Variants in ICA1L observed in about 807,000 individuals in gnomAD.
ICA1L encodes the protein islet cell autoantigen 1 like, also known as islet cell autoantigen 1-like protein.
In ICA1L, 50 loss-of-function variants were observed where a neutral mutation model predicts 61.3. The ratio of observed to expected loss-of-function variants is 0.82; its 90% confidence interval spans 0.65 to 1.03. ICA1L has a LOEUF of 1.03. Ranked by LOEUF, ICA1L falls within the 50% of genes least tolerant of loss-of-function variation. ICA1L has a pLI of 0.00. For synonymous variants in ICA1L, 161 were observed against 191.3 expected (o/e 0.84, Z 1.31); for missense variants, 508 against 556.7 (o/e 0.91, Z 0.88).
intron 1 of ICA1L, among the ~76,000 whole-genome samples, chr2:202,838,266 C>T (rs183838019): frequency 1.5e-4 from 23 of 152,206 alleles, no homozygotes; most frequent in East Asian, 1.2e-3. Flanking sequence ...CTTATTATTT[C>T]GAGTTTCATA....
chr2:202,785,410 C>T (rs1692549724), intron 12 of ICA1L, among the ~76,000 whole-genome samples: 1 of 151,950 alleles, frequency 6.6e-6, no homozygotes, highest in African/African-American at 2.4e-5. Flanking sequence ...CTTTGTCAAG[C>T]TCACAGTTTC....
At chr2:202,812,871 AG>A (rs756680005) in intron 8 of ICA1L, among the ~76,000 whole-genome samples, 3 of 152,242 alleles carry the variant, frequency 2.0e-5, no homozygotes, top group Non-Finnish European at 4.4e-5. Flanking sequence ...ATAATGCTAA[AG>A]ATACATGAGA....
At chr2:202,796,286 G>A (rs1243138428) in intron 10 of ICA1L, among the ~76,000 whole-genome samples, 1 of 152,112 alleles carries the variant, frequency 6.6e-6, no homozygotes, top group African/African-American at 2.4e-5. Flanking sequence ...CAATTGGACT[G>A]TATTTAAAAG....
At position 202,775,025 on chromosome 2, in the gene ICA1L, G is replaced by GTCTAC. The variant is rs1367937816; in HGVS notation, c.*4507_*4508insGTAGA. The GTCTAC allele has an allele frequency of 2.6e-5, 4 of 152,274 alleles. No homozygotes were observed. In the East Asian group the frequency reaches 7.7e-4, roughly 29 times the overall value. 9.4% of individuals were successfully genotyped at this position (152,274 alleles called of 1,614,324 possible). A position where few individuals can be genotyped will look rare whatever the true frequency, so the allele number is the denominator to read the frequency against. On this transcript the variant is annotated 3_prime_UTR_variant, in exon 13 of 13. Transcript: ENST00000358299. ...AGGACAGTTTGTTTTGAACTCTTTA[G>GTCTAC]TAGTCTTTTAAATGGTACAGAAAAA...
At chr2:202,792,156 A>G (rs1292022319) in intron 10 of ICA1L, among the ~76,000 whole-genome samples, 2 of 152,222 alleles carry the variant, frequency 1.3e-5, no homozygotes, top group Non-Finnish European at 2.9e-5. Context: ...TGACAGAGCG[A>G]GACTCCATCT....
At chr2:202,848,113 C>T (rs1396917030) in intron 1 of ICA1L, among the ~76,000 whole-genome samples, 1 of 152,084 alleles carries the variant, frequency 6.6e-6, no homozygotes, top group Non-Finnish European at 1.5e-5. Context: ...TTGAGATTAG[C>T]CACCATGCCC....
chr2:202,850,033 T>C, intron 1 of ICA1L, among the ~76,000 whole-genome samples: 1 of 152,110 alleles, frequency 6.6e-6, no homozygotes, highest in East Asian at 1.9e-4. Context: ...TCCAGCAAAC[T>C]GTAGCAGACC....
intron 9 of ICA1L, 115 bp from the exon 10 acceptor site, chr2:202,797,079 CAT>C (rs1692950210): frequency 1.8e-6 from 1 of 569,710 alleles, no homozygotes; most frequent in Non-Finnish European, 3.0e-6. Context: ...GAATCGAAAA[CAT>C]ACAAAAGGGA....
At chr2:202,820,374 CAAA>C (rs372412225) in intron 4 of ICA1L, among the ~76,000 whole-genome samples, 9 of 108,460 alleles carry the variant, frequency 8.3e-5, no homozygotes, top group African/African-American at 1.1e-4. Context: ...AACTCCATCT[CAAA>C]AAAAAAAAAA....
intron 1 of ICA1L, among the ~76,000 whole-genome samples, chr2:202,860,626 C>T (rs973214607): frequency 5.9e-5 from 9 of 151,928 alleles, no homozygotes; most frequent in Non-Finnish European, 1.2e-4. Context: ...GTGACTCATG[C>T]CTGTAATTCC....
At chr2:202,780,035 TGA>T (rs1692352164) in intron 12 of ICA1L, among the ~76,000 whole-genome samples, 1 of 152,142 alleles carries the variant, frequency 6.6e-6, no homozygotes, top group African/African-American at 2.4e-5. Context: ...AGAAAGGAAT[TGA>T]GTTAAAAGTG....
At chr2:202,867,995 C>A (rs1456836046) in intron 1 of ICA1L, among the ~76,000 whole-genome samples, 1 of 152,108 alleles carries the variant, frequency 6.6e-6, no homozygotes, top group Non-Finnish European at 1.5e-5. Context: ...TGGAATACCA[C>A]TCAGCAACAG....
At chr2:202,817,630 TAATA>T (rs1427793485) in intron 5 of ICA1L, 87 bp from the exon 6 acceptor site, 24 of 590,108 alleles carry the variant, frequency 4.1e-5, no homozygotes, top group South Asian at 6.0e-5. Context: ...TACAGGTTCA[TAATA>T]AATATTTTCA....
chr2:202,828,514 T>C (rs1242557206), intron 2 of ICA1L, among the ~76,000 whole-genome samples: 1 of 152,236 alleles, frequency 6.6e-6, no homozygotes, highest in Non-Finnish European at 1.5e-5. Context: ...CACATCAAAG[T>C]ACTACAAAAT....
At chr2:202,858,112 A>C (rs1436066380) in intron 1 of ICA1L, among the ~76,000 whole-genome samples, 1 of 152,198 alleles carries the variant, frequency 6.6e-6, no homozygotes, top group East Asian at 1.9e-4. Context: ...CAGCAATCTC[A>C]TTACTTGGTA....
chr2:202,859,896 T>C (rs1393277089), intron 1 of ICA1L, among the ~76,000 whole-genome samples: 2 of 152,172 alleles, frequency 1.3e-5, no homozygotes, highest in Non-Finnish European at 2.9e-5. Context: ...AAGCTAAAAA[T>C]GGCAGGTTTT....
At chr2:202,817,343 C>A in intron 6 of ICA1L, 75 bp downstream of exon 6, 4 of 1,367,708 alleles carry the variant, frequency 2.9e-6, no homozygotes, top group South Asian at 3.3e-5. Context: ...TTTTTACACC[C>A]TTTAGACAAC....
rs189000992 is a variant in ICA1L, at chr2:202,826,149, G to A, written c.163-382C>T. Among the ~76,000 whole-genome samples the A allele has an allele frequency of 3.5e-4, 54 of 152,166 alleles. 1 individual carries two copies. The East Asian group carries it at 6.2e-3, about 17-fold the overall frequency. On this transcript the variant is annotated intron_variant, in intron 2 of 12. Coordinates refer to ENST00000358299, the MANE Select transcript of ICA1L (RefSeq NM_001288622.3). ...AGATAACCTTACAAAGTATTAACTC[G>A]AAGTCTGGCTTTTCTCTCATACTGG...
rs1461349136 is a variant in ICA1L at position 202,851,188 on chromosome 2, T to C, written c.-8+20431A>G. 2.1e-5 allele frequency among the ~76,000 whole-genome samples: 3 copies of C among 140,722 alleles called. No homozygotes were observed. The Admixed American group carries it at 2.2e-4, about 10-fold the overall frequency. 92.3% of individuals were successfully genotyped at this position (140,722 alleles called of 152,430 possible). A position where few individuals can be genotyped will look rare whatever the true frequency, so the allele number is the denominator to read the frequency against. On this transcript the variant is annotated intron_variant, in intron 1 of 12. Coordinates refer to ENST00000358299, the MANE Select transcript of ICA1L (RefSeq NM_001288622.3). ...CCCCCCACCCCACAACAGGCCCCAG[T>C]GTGTAATGTTCCCCTTCCTGTGACC...
Sources: allele counts gnomAD v4.1 joint callset (sites outside exome capture counted in the v4.1 genomes callset), GRCh38; gene constraint gnomAD v4.1.1; transcripts MANE v1.5; gene names NCBI Gene and HGNC (gene_info 2026-07-23, HGNC 2026-07-21).